Variants in SLC71A2 observed in about 807,000 individuals in gnomAD.
The protein encoded by SLC71A2 is hippocampus abundant transcript-like 1.
chr9:94,409,604 T>C, the SLC71A2 span, among the ~76,000 whole-genome samples: 45 of 152,380 alleles, frequency 3.0e-4, 2 homozygotes, highest in South Asian at 9.1e-3. Context: ...ACCACACATC[T>C]ACAGCTGTAC....
chr9:94,406,359 A>G, the SLC71A2 span, among the ~76,000 whole-genome samples: 1 of 151,530 alleles, frequency 6.6e-6, no homozygotes, highest in Non-Finnish European at 1.5e-5. Context: ...TCTGCCTCAG[A>G]CTCCCATGTA....
At chr9:94,425,132 G>A in the SLC71A2 span, among the ~76,000 whole-genome samples, 1 of 151,220 alleles carries the variant, frequency 6.6e-6, no homozygotes, top group African/African-American at 2.4e-5. Context: ...GATCAACCTC[G>A]GCGAAACCCC....
chr9:94,437,153 G>A, the SLC71A2 span, among the ~76,000 whole-genome samples: 2 of 143,724 alleles, frequency 1.4e-5, no homozygotes, highest in South Asian at 4.8e-4. Context: ...AAAACTGGAA[G>A]TATCGCATGC....
At chr9:94,383,773 G>A in the SLC71A2 span, among the ~76,000 whole-genome samples, 1 of 151,886 alleles carries the variant, frequency 6.6e-6, no homozygotes, top group Admixed American at 6.6e-5. Context: ...ATGCATGAAT[G>A]TAGTATCTCT....
the SLC71A2 span, among the ~76,000 whole-genome samples, chr9:94,424,204 T>G: frequency 6.6e-6 from 1 of 151,796 alleles, no homozygotes; most frequent in Non-Finnish European, 1.5e-5. Context: ...GCCAACACCA[T>G]CCTGTGTTAA....
chr9:94,444,064 G>T, the SLC71A2 span, among the ~76,000 whole-genome samples: 8 of 152,202 alleles, frequency 5.3e-5, no homozygotes, highest in South Asian at 1.7e-3. Context: ...GGATGAAAAA[G>T]AATTTTTTAT....
chr9:94,446,833 A>C, the SLC71A2 span: 10 of 1,591,528 alleles, frequency 6.3e-6, no homozygotes, highest in Non-Finnish European at 7.8e-6. Context: ...TCGTTGAAGA[A>C]AGTTGGAAAA....
chr9:94,390,875 G>A, the SLC71A2 span, among the ~76,000 whole-genome samples: 1 of 152,068 alleles, frequency 6.6e-6, no homozygotes, highest in African/African-American at 2.4e-5. Flanking sequence ...AAGGCTGCCT[G>A]TGTAACTATG....
the SLC71A2 span, among the ~76,000 whole-genome samples, chr9:94,457,372 A>G: frequency 6.9e-6 from 1 of 143,906 alleles, no homozygotes; most frequent in Admixed American, 7.3e-5. Context: ...TAGAGGGAGA[A>G]AAATTTTTTA....
At chr9:94,447,461 T>C in the SLC71A2 span, among the ~76,000 whole-genome samples, 2 of 150,116 alleles carry the variant, frequency 1.3e-5, no homozygotes, top group Non-Finnish European at 3.0e-5. Context: ...ATTACAGGCG[T>C]GAGCCACTGT....
the SLC71A2 span, among the ~76,000 whole-genome samples, chr9:94,406,848 C>T: frequency 6.6e-6 from 1 of 152,114 alleles, no homozygotes; most frequent in African/African-American, 2.4e-5. Flanking sequence ...CATCAGCGAA[C>T]AGAGATAATT....
chr9:94,431,847 T>C, the SLC71A2 span, among the ~76,000 whole-genome samples: 5 of 152,136 alleles, frequency 3.3e-5, no homozygotes, highest in Admixed American at 2.0e-4. Context: ...CTCCACTGGT[T>C]CAGAGGAGAG....
At chr9:94,401,138 A>G in the SLC71A2 span, among the ~76,000 whole-genome samples, 6 of 151,424 alleles carry the variant, frequency 4.0e-5, no homozygotes, top group African/African-American at 9.7e-5. Context: ...GGTCAACTGC[A>G]ATAGAAAAGA....
chr9:94,438,217 C>T, the SLC71A2 span, among the ~76,000 whole-genome samples: 1 of 152,204 alleles, frequency 6.6e-6, no homozygotes, highest in South Asian at 2.1e-4. Flanking sequence ...GGATTACAGG[C>T]ATGAGCCACC....
At chr9:94,456,734 C>T in the SLC71A2 span, among the ~76,000 whole-genome samples, 1 of 152,130 alleles carries the variant, frequency 6.6e-6, no homozygotes, top group African/African-American at 2.4e-5. Context: ...TTTGGAATAA[C>T]TCAAAGTCTT....
chr9:94,437,018 CTAGA>C, the SLC71A2 span, among the ~76,000 whole-genome samples: 1 of 150,784 alleles, frequency 6.6e-6, no homozygotes, highest in Non-Finnish European at 1.5e-5. Flanking sequence ...AGCTAAGAGA[CTAGA>C]TAGAGGAGGA....
At chr9:94,407,885 T>G in the SLC71A2 span, among the ~76,000 whole-genome samples, 5 of 152,176 alleles carry the variant, frequency 3.3e-5, no homozygotes, top group Non-Finnish European at 7.3e-5. Flanking sequence ...TGATGAAATA[T>G]TTTGCCATCT....
chr9:94,429,387 G>T, the SLC71A2 span: 6 of 1,367,744 alleles, frequency 4.4e-6, no homozygotes, highest in Non-Finnish European at 6.0e-6. Flanking sequence ...TTTTTAGCTG[G>T]GTTATTAAAA....
chr9:94,378,401 G>C, the SLC71A2 span, among the ~76,000 whole-genome samples: 1 of 152,134 alleles, frequency 6.6e-6, no homozygotes, highest in Non-Finnish European at 1.5e-5. Flanking sequence ...GCCGCGTGCG[G>C]TGGATCACTT....
Sources: allele counts gnomAD v4.1 joint callset (sites outside exome capture counted in the v4.1 genomes callset), GRCh38; gene constraint gnomAD v4.1.1; transcripts MANE v1.5; gene names NCBI Gene and HGNC (gene_info 2026-07-23, HGNC 2026-07-21).